COL6A5: variants seen among roughly 807,000 people sequenced by gnomAD.
The protein encoded by COL6A5 is collagen type VI alpha 5 chain, also known as collagen alpha-5(VI) chain.
A neutral mutation model predicts 65.6 loss-of-function variants in COL6A5; 48 were observed. The observed-to-expected ratio is 0.73, with a 90% CI of 0.58 to 0.93. The LOEUF is 0.93. COL6A5 is among the 40% of genes least tolerant of loss of function. The pLI is 0.00. For missense variants in COL6A5, 914 were observed against 928.3 expected (o/e 0.98, Z 0.20); for synonymous variants, 291 against 322.8 (o/e 0.90, Z 1.05).
chr3:130,442,725 G>A (rs910378378), intron 3 of COL6A5, among the ~76,000 whole-genome samples: 4 of 152,302 alleles, frequency 2.6e-5, no homozygotes, highest in Admixed American at 6.5e-5. Context: ...CCAACAGTAA[G>A]TGTCAGATGC....
intron 1 of COL6A5, among the ~76,000 whole-genome samples, chr3:130,362,252 T>TTGTCTCTCTCTCTCTCTCTC: frequency 8.7e-6 from 1 of 114,352 alleles, no homozygotes; most frequent in Admixed American, 9.3e-5. Flanking sequence ...TAAGGTTTCT[T>TTGTCTCTCTCTCTCTCTCTC]TCTCTCTCTC....
At chr3:130,403,452 C>T (rs1230669299) in intron 12 of COL6A5, among the ~76,000 whole-genome samples, 157 bp from the exon 13 acceptor site, 1 of 152,104 alleles carries the variant, frequency 6.6e-6, no homozygotes, top group Non-Finnish European at 1.5e-5. Context: ...AAAGCTAGCT[C>T]CAGATGTTGT....
chr3:130,355,079 CA>C (rs1157510691), intron 1 of COL6A5, among the ~76,000 whole-genome samples: 2 of 150,848 alleles, frequency 1.3e-5, no homozygotes, highest in African/African-American at 4.9e-5. Flanking sequence ...AATGTGCTAC[CA>C]AAAAAATTAA....
intron 1 of COL6A5, among the ~76,000 whole-genome samples, chr3:130,361,237 G>C (rs74281833): frequency 0.017 from 2,600 of 152,096 alleles, 34 homozygotes; most frequent in South Asian, 0.081. Context: ...TGCTCCACCT[G>C]TTCATCCCTC....
intron 24 of COL6A5, among the ~76,000 whole-genome samples, chr3:130,417,473 A>T (rs547415509): frequency 1.3e-5 from 2 of 152,164 alleles, no homozygotes; most frequent in African/African-American, 4.8e-5. Flanking sequence ...CCCTTTCCCT[A>T]GGAGAGAGTG....
chr3:130,403,583 A>G (rs578154775), intron 12 of COL6A5, 26 bp from the exon 13 acceptor site: 1 of 1,545,426 alleles, frequency 6.5e-7, no homozygotes, highest in South Asian at 1.2e-5. Context: ...GGTGACTAAA[A>G]TGTATTGTTC....
chr3:130,418,102 C>G (rs1278098719), intron 24 of COL6A5, among the ~76,000 whole-genome samples: 1 of 151,958 alleles, frequency 6.6e-6, no homozygotes, highest in African/African-American at 2.4e-5. Context: ...GATACATTAC[C>G]TAACTTAACT....
chr3:130,402,275 A>C (rs1249361338), intron 12 of COL6A5, among the ~76,000 whole-genome samples: 1 of 152,222 alleles, frequency 6.6e-6, no homozygotes, highest in Non-Finnish European at 1.5e-5. Context: ...TCTCCTTAAA[A>C]ATAAATAAAC....
intron 4 of COL6A5, among the ~76,000 whole-genome samples, chr3:130,383,338 C>T (rs1483168877): frequency 3.3e-5 from 5 of 152,072 alleles, no homozygotes; most frequent in South Asian, 2.1e-4. Context: ...ACTAGTGGCT[C>T]GTGTATTGGA....
In COL6A5 at chr3:130,471,945, G is replaced by A. The variant is rs1336539492; in HGVS notation, c.2328+978G>A. ...AAAGAAGGTAATCGTGAGTACCATA[G>A]AGCTGAAGACCCTCAAGTACCTTTG... On this transcript the variant is annotated intron_variant, in intron 7 of 7. Transcript: ENST00000512836. 1.3e-6 allele frequency: 2 copies of A among 1,531,412 alleles called. No homozygotes were observed. The highest frequency in any genetic ancestry group is 2.0e-5 in the Admixed American group (1 of 50,606). 94.9% of individuals were successfully genotyped at this position (1,531,412 alleles called of 1,614,324 possible).
rs1157580407 is a variant in COL6A5 at position 130,415,702 on chromosome 3, C to A, written c.4819C>A (p.Pro1607Thr). ...AAAAGGAAGCCAGGGGCAGAAAGGA[C>A]CTCAGGTGAGTGACTCGGAGACATT... Residue 1607 changes from proline (P) to threonine (T), a missense_variant and NMD_transcript_variant, in exon 23 of 42, where the codon CCT becomes ACT. Physicochemically the swap from Pro to Thr is conservative, Grantham distance 38. Transcript: ENST00000312481. The A allele has an allele frequency of 3.2e-6, 5 of 1,547,884 alleles. No individual in the cohort carries two copies. In the Admixed American group the frequency reaches 9.8e-5, roughly 30 times the overall value.
At chr3:130,465,543 G>A (rs530453140) in intron 5 of COL6A5, among the ~76,000 whole-genome samples, 87 of 152,134 alleles carry the variant, frequency 5.7e-4, no homozygotes, top group Admixed American at 1.5e-3. Context: ...ATTAACCACT[G>A]CTTTAGACTC....
chr3:130,358,654 C>T (rs1364294058), intron 1 of COL6A5, among the ~76,000 whole-genome samples: 3 of 152,058 alleles, frequency 2.0e-5, no homozygotes, highest in Non-Finnish European at 1.5e-5. Flanking sequence ...AATTTTTTCC[C>T]CCCAATCAGG....
intron 6 of COL6A5, among the ~76,000 whole-genome samples, 162 bp downstream of exon 6, chr3:130,389,296 T>G (rs1442642525): frequency 6.6e-6 from 1 of 152,094 alleles, no homozygotes; most frequent in African/African-American, 2.4e-5. Context: ...CCAGGAATGT[T>G]TCAGACTAAC....
intron 1 of COL6A5, among the ~76,000 whole-genome samples, chr3:130,362,326 A>ATATATATT (rs1935166422): frequency 2.1e-4 from 1 of 4,668 alleles, no homozygotes; most frequent in Non-Finnish European, 5.6e-4. Context: ...ATATATATAT[A>ATATATATT]TTTTTTTTTT....
At position 130,452,572 on chromosome 3, in the gene COL6A5, G is replaced by A. The variant is rs1452108101; in HGVS notation, c.1333-2883G>A. Among the ~76,000 whole-genome samples, 7 of 152,262 alleles carry A rather than the reference G, an allele frequency of 4.6e-5. No homozygotes were observed. In the East Asian group the frequency reaches 9.7e-4, roughly 21 times the overall value. On this transcript the variant is annotated intron_variant, in intron 4 of 7. Coordinates refer to ENST00000512836, the Ensembl canonical transcript of COL6A5. The stretch of plus-strand genomic sequence containing the variant: ...ATAGGGTGTGGGTCACAGAGATCAC[G>A]TACTTCACAAGGTAATAGAATATCA...
chr3:130,398,125 G>GTTTTTTT lies in COL6A5; in HGVS notation c.3991+16_3991+17insTTTTTTT, dbSNP rs747107091. On this transcript the variant is annotated intron_variant and NMD_transcript_variant, in intron 10 of 41. Transcript: ENST00000312481. ...TCAGAGAAGCAGGTATTGAGTTGTT[G>GTTTTTTT]TTGTTTTTTTTTTTTTTTTTTTTGA... is the stretch of plus-strand genomic sequence containing the variant. 31 of 1,064,916 alleles carry GTTTTTTT rather than the reference G, an allele frequency of 2.9e-5. No individual in the cohort carries two copies. The East Asian group carries it at 3.1e-4, about 10-fold the overall frequency. 66.0% of individuals were successfully genotyped at this position (1,064,916 alleles called of 1,614,324 possible). A position where few individuals can be genotyped will look rare whatever the true frequency, so the allele number is the denominator to read the frequency against.
At chr3:130,408,988 A>G (rs1458298790) in intron 17 of COL6A5, among the ~76,000 whole-genome samples, 2 of 152,186 alleles carry the variant, frequency 1.3e-5, no homozygotes, top group African/African-American at 4.8e-5. Flanking sequence ...CTTTAGTGGC[A>G]TTGATTACAT....
intron 20 of COL6A5, among the ~76,000 whole-genome samples, chr3:130,411,821 G>GC (rs1325984699): frequency 1.3e-5 from 2 of 152,026 alleles, no homozygotes; most frequent in Admixed American, 6.6e-5. Context: ...GAGGCTCTCG[G>GC]CCCCCTCCTC....
Sources: allele counts gnomAD v4.1 joint callset (sites outside exome capture counted in the v4.1 genomes callset), GRCh38; gene constraint gnomAD v4.1.1; transcripts MANE v1.5; gene names NCBI Gene and HGNC (gene_info 2026-07-23, HGNC 2026-07-21).